ZCCHC17: variants seen among roughly 807,000 people sequenced by gnomAD.
ZCCHC17 encodes zinc finger CCHC domain-containing protein 17.
Under a neutral mutation model 30.6 loss-of-function variants are expected in ZCCHC17, and 18 were observed. That is an observed-to-expected ratio of 0.59 (90% CI 0.41 to 0.87). The LOEUF (loss-of-function observed/expected upper bound fraction) is 0.87. ZCCHC17 is among the 40% of genes least tolerant of loss of function. ZCCHC17 has a pLI of 0.00. For synonymous variants in ZCCHC17, 88 were observed against 92.4 expected (o/e 0.95, Z 0.27); for missense variants, 263 against 284.2 (o/e 0.93, Z 0.54).
intron 3 of ZCCHC17, among the ~76,000 whole-genome samples, chr1:31,334,333 CTCTCTG>C (rs1220368603): frequency 9.8e-5 from 6 of 60,974 alleles, no homozygotes; most frequent in African/African-American, 3.2e-4. Flanking sequence ...CTCTCTCTCT[CTCTCTG>C]TGTGTGTGTG....
At chr1:31,347,983 C>G (rs1004443313) in intron 6 of ZCCHC17, among the ~76,000 whole-genome samples, 1 of 149,946 alleles carries the variant, frequency 6.7e-6, no homozygotes, top group Non-Finnish European at 1.5e-5. Context: ...TCAGACACAA[C>G]TAGCAGTGTA....
chr1:31,297,372 C>T (rs1175318500), intron 1 of ZCCHC17, among the ~76,000 whole-genome samples: 1 of 152,242 alleles, frequency 6.6e-6, no homozygotes, highest in African/African-American at 2.4e-5. Flanking sequence ...CCAGCCTCCT[C>T]CGGTGCCCCA....
chr1:31,316,816 T>C (rs1247217066), intron 2 of ZCCHC17, among the ~76,000 whole-genome samples: 3 of 152,198 alleles, frequency 2.0e-5, no homozygotes, highest in East Asian at 3.8e-4. Flanking sequence ...AACATGAGTT[T>C]AGAACTTTTG....
intron 1 of ZCCHC17, among the ~76,000 whole-genome samples, chr1:31,298,387 GTTTTTTT>G (rs35380795): frequency 7.2e-6 from 1 of 139,188 alleles, no homozygotes; most frequent in Non-Finnish European, 1.6e-5. Flanking sequence ...GTTTTTTTTT[GTTTTTTT>G]TTTTTTTTTG....
At chr1:31,307,217 C>T (rs1418242372) in intron 1 of ZCCHC17, among the ~76,000 whole-genome samples, 1 of 151,668 alleles carries the variant, frequency 6.6e-6, no homozygotes, top group Non-Finnish European at 1.5e-5. Flanking sequence ...AAGTGATCCT[C>T]CCGCCTTAGC....
At chr1:31,358,395 T>G (rs995795859) in intron 7 of ZCCHC17, among the ~76,000 whole-genome samples, 3 of 152,232 alleles carry the variant, frequency 2.0e-5, no homozygotes, top group African/African-American at 7.2e-5. Context: ...AGAGAATTAT[T>G]CTGGCTGCTA....
chr1:31,320,637 A>G lies in ZCCHC17; in HGVS notation c.124+1471A>G, dbSNP rs77143194. On this transcript the variant is annotated intron_variant, in intron 3 of 7. Coordinates refer to ENST00000344147, the MANE Select transcript of ZCCHC17 (RefSeq NM_016505.4). ...TTTCAAGGTTCATCTGTTTTATAAT[A>G]TGTACTTAATTCTTTTTTATTGCCA... is the stretch of plus-strand genomic sequence containing the variant. Among the ~76,000 whole-genome samples, 884 of 152,292 alleles carry G rather than the reference A, an allele frequency of 5.8e-3. 71 individuals carry two copies. The East Asian group carries it at 0.14, about 25-fold the overall frequency.
chr1:31,329,899 G>C (rs775452496), intron 3 of ZCCHC17, among the ~76,000 whole-genome samples: 12 of 152,238 alleles, frequency 7.9e-5, no homozygotes, highest in African/African-American at 2.9e-4. Context: ...TTTCATTAAC[G>C]CTTGGATATA....
intron 1 of ZCCHC17, among the ~76,000 whole-genome samples, chr1:31,299,338 T>G (rs552098319): frequency 6.6e-6 from 1 of 151,886 alleles, no homozygotes; most frequent in African/African-American, 2.4e-5. Flanking sequence ...AAAAAAAAAA[T>G]TTTTTTCCAG....
chr1:31,299,263 G>T (rs1646246709), intron 1 of ZCCHC17, among the ~76,000 whole-genome samples: 1 of 152,170 alleles, frequency 6.6e-6, no homozygotes, highest in African/African-American at 2.4e-5. Flanking sequence ...GAATATTGTA[G>T]AAGATTTGAA....
At chr1:31,354,557 C>G (rs1458977084) in intron 7 of ZCCHC17, among the ~76,000 whole-genome samples, 1 of 152,130 alleles carries the variant, frequency 6.6e-6, no homozygotes, top group Non-Finnish European at 1.5e-5. Flanking sequence ...AAGCATTATT[C>G]TTTCTCTTTT....
intron 7 of ZCCHC17, among the ~76,000 whole-genome samples, chr1:31,361,903 T>C (rs1639915947): frequency 6.6e-6 from 1 of 152,086 alleles, no homozygotes; most frequent in African/African-American, 2.4e-5. Flanking sequence ...CTTCCAGCTC[T>C]TGGGCTCAAG....
In ZCCHC17 at chr1:31,341,738, C is replaced by T. The variant is rs76002636; in HGVS notation, c.317+2690C>T. Among the ~76,000 whole-genome samples, 516 of 152,252 alleles carry T rather than the reference C, an allele frequency of 3.4e-3. 3 individuals are homozygous for T. Among genetic ancestry groups the T allele is most frequent in the African/African-American group, 0.011 (442 of 41,540 alleles). ...AATTAGTCTATCTGAATCTTAGCTT[C>T]TTTACTATAAAAGGAGACAGTAACA... is the stretch of plus-strand genomic sequence containing the variant. On this transcript the variant is annotated intron_variant, in intron 5 of 7. Transcript: ENST00000344147.
At chr1:31,335,006 A>G (rs1256719562) in intron 3 of ZCCHC17, among the ~76,000 whole-genome samples, 1 of 152,266 alleles carries the variant, frequency 6.6e-6, no homozygotes, top group East Asian at 1.9e-4. Context: ...CAAGGGGCAG[A>G]AACTTAATTG....
chr1:31,337,182 C>T lies in ZCCHC17; in HGVS notation c.132C>T (p.Val44=), dbSNP rs761822488. ...TCTTCTTCTTGTGCCCAGGTCTGGT[C>T]CATCGAACTCATATGTCATCCTGTC... is the stretch of plus-strand genomic sequence containing the variant. ...KIPGCRKQGL[V]HRTHMSSCRV... Residue 44 remains valine (V), a synonymous_variant, in exon 4 of 8, where the codon GTC becomes GTT. Coordinates refer to ENST00000344147, the MANE Select transcript of ZCCHC17 (RefSeq NM_016505.4). The T allele has an allele frequency of 6.2e-7, 1 of 1,613,852 alleles. No individual in the cohort carries two copies. The highest frequency in any genetic ancestry group is 2.2e-5 in the East Asian group (1 of 44,868).
intron 1 of ZCCHC17, among the ~76,000 whole-genome samples, chr1:31,307,811 A>G (rs1007563409): frequency 1.3e-5 from 2 of 151,444 alleles, no homozygotes; most frequent in Non-Finnish European, 2.9e-5. Context: ...CTGACCTCAG[A>G]TGATCCACCC....
chr1:31,326,664 C>G (rs1383582677), intron 3 of ZCCHC17, among the ~76,000 whole-genome samples: 1 of 152,170 alleles, frequency 6.6e-6, no homozygotes, highest in African/African-American at 2.4e-5. Context: ...TATCCATACC[C>G]TGTCAGGTGA....
intron 2 of ZCCHC17, chr1:31,318,328 G>A (rs887547396): frequency 5.4e-6 from 6 of 1,105,144 alleles, no homozygotes; most frequent in Non-Finnish European, 7.8e-6. Flanking sequence ...CACAGGTTGG[G>A]GGATGGGGTA....
intron 7 of ZCCHC17, among the ~76,000 whole-genome samples, chr1:31,356,692 C>T (rs1270972971): frequency 2.0e-5 from 3 of 152,190 alleles, no homozygotes; most frequent in Non-Finnish European, 2.9e-5. Context: ...AATAACAGAT[C>T]TTCCTAACCT....
Sources: gnomAD v4.1 joint callset for allele counts (sites outside exome capture counted in the v4.1 genomes callset) on GRCh38, gnomAD v4.1.1 for gene constraint, MANE v1.5 for transcripts, NCBI Gene and HGNC (gene_info 2026-07-23, HGNC 2026-07-21) for gene names.